Variants in MRPS14 observed in about 807,000 individuals in gnomAD.
The protein encoded by MRPS14 is small ribosomal subunit protein uS14m.
In MRPS14, 14 loss-of-function variants were observed where a neutral mutation model predicts 16.4. The observed-to-expected ratio is 0.85, with a 90% CI of 0.56 to 1.33. The LOEUF is 1.33. Ranked by LOEUF, MRPS14 falls within the 40% of genes most tolerant of loss-of-function variation. The pLI, the probability that MRPS14 is intolerant of heterozygous loss-of-function variation, is 0.00. For synonymous variants in MRPS14, 54 were observed against 61.9 expected (o/e 0.87, Z 0.60); for missense variants, 162 against 176.8 (o/e 0.92, Z 0.48).
Position 175,014,759 on chromosome 1 carries a change from A to C in MRPS14, c.297T>G (p.Gly99=). 4 of 1,614,124 alleles carry C rather than the reference A, an allele frequency of 2.5e-6. No homozygotes were observed. Among genetic ancestry groups the C allele is most frequent in the East Asian group, 2.2e-5 (1 of 44,878 alleles). ...GACTAAGCCTCCAGCGCCGCTTCAC[A>C]CCACGCGGACGGGACGTCATAACAC... ...NRCVMTSRPR[G]VKRRWRLSRI... Residue 99 remains glycine, a synonymous_variant, in exon 3 of 3, where the codon GGT becomes GGG. Coordinates refer to ENST00000476371, the MANE Select transcript of MRPS14 (RefSeq NM_022100.3).
At chr1:175,018,859 C>T (rs999881124) in intron 1 of MRPS14, among the ~76,000 whole-genome samples, 3 of 152,024 alleles carry the variant, frequency 2.0e-5, no homozygotes, top group Non-Finnish European at 4.4e-5. Flanking sequence ...TCTGTTTGAC[C>T]TGTACTTAGG....
chr1:175,015,127 T>G (rs1672857412), intron 2 of MRPS14, among the ~76,000 whole-genome samples: 1 of 151,962 alleles, frequency 6.6e-6, no homozygotes. Flanking sequence ...TTTTGTATTA[T>G]TAGTAGAAAC....
intron 2 of MRPS14, among the ~76,000 whole-genome samples, chr1:175,015,437 G>A (rs1371454320): frequency 6.6e-6 from 1 of 152,164 alleles, no homozygotes; most frequent in Non-Finnish European, 1.5e-5. Context: ...GAAACCTCTG[G>A]AATGATGATC....
At chr1:175,019,167 C>A (rs1164670754) in intron 1 of MRPS14, among the ~76,000 whole-genome samples, 1 of 152,142 alleles carries the variant, frequency 6.6e-6, no homozygotes, top group Non-Finnish European at 1.5e-5. Context: ...ATTTAACCTG[C>A]CACGTATTGC....
At chr1:175,023,335 A>G (rs755222777) in intron 1 of MRPS14, 29 bp downstream of exon 1, 80 of 1,612,378 alleles carry the variant, frequency 5.0e-5, no homozygotes, top group Non-Finnish European at 8.5e-6. Flanking sequence ...GGTGAGGGGT[A>G]GCGGTGTGGA....
Position 175,013,667 on chromosome 1 carries a change from G to GTT in MRPS14, c.*1001_*1002insAA, listed in dbSNP as rs1672825205. ...ATGTCATTCCTGTGCTTAAAACTCT[G>GTT]TAATACCTGGTATGTCAGTCTTAAT... is the stretch of plus-strand genomic sequence containing the variant. On this transcript the variant is annotated 3_prime_UTR_variant, in exon 3 of 3. Coordinates refer to ENST00000476371, the MANE Select transcript of MRPS14 (RefSeq NM_022100.3). The GTT allele has an allele frequency of 6.6e-6, 1 of 152,138 alleles. No homozygotes were observed. The highest frequency in any genetic ancestry group is 2.1e-4 in the South Asian group (1 of 4,828). 9.4% of individuals were successfully genotyped at this position (152,138 alleles called of 1,614,324 possible).
chr1:175,021,107 G>C (rs750888710), intron 1 of MRPS14, among the ~76,000 whole-genome samples: 22 of 152,172 alleles, frequency 1.4e-4, no homozygotes, highest in Non-Finnish European at 2.6e-4. Context: ...CTAGAGGTGG[G>C]ATAGGTAAGT....
chr1:175,021,564 C>T (rs777350295), intron 1 of MRPS14, among the ~76,000 whole-genome samples: 1 of 152,160 alleles, frequency 6.6e-6, no homozygotes, highest in African/African-American at 2.4e-5. Context: ...ACTTTCAATC[C>T]ATTGATCCTA....
intron 2 of MRPS14, among the ~76,000 whole-genome samples, chr1:175,015,487 G>C (rs762512082): frequency 2.0e-5 from 3 of 152,176 alleles, no homozygotes; most frequent in Non-Finnish European, 4.4e-5. Flanking sequence ...ACTAGAGAAG[G>C]AGGAAGGAGA....
chr1:175,014,545 A>C lies in MRPS14; in HGVS notation c.*124T>G. On this transcript the variant is annotated 3_prime_UTR_variant, in exon 3 of 3. Transcript: ENST00000476371. ...TTAAAAGTAGTTTAGAGATAGCATC[A>C]GGTAGGCCAAACAACTGTACTGGGC... 1 of 861,644 alleles carries C rather than the reference A, an allele frequency of 1.2e-6. No individual in the cohort carries two copies. The allele number at this position is 861,644 out of a possible 1,614,324, so 53.4% of individuals were successfully genotyped here. A position where few individuals can be genotyped will look rare whatever the true frequency, so the allele number is the denominator to read the frequency against.
At chr1:175,020,927 C>T (rs1349803916) in intron 1 of MRPS14, among the ~76,000 whole-genome samples, 1 of 152,162 alleles carries the variant, frequency 6.6e-6, no homozygotes, top group Non-Finnish European at 1.5e-5. Context: ...TCTCTCACCC[C>T]TCTTCAGCTC....
rs1251393023 is a variant in MRPS14 at position 175,014,538 on chromosome 1, T to C, written c.*131A>G. ...CTTCATTTTAAAAGTAGTTTAGAGA[T>C]AGCATCAGGTAGGCCAAACAACTGT... On this transcript the variant is annotated 3_prime_UTR_variant, in exon 3 of 3. Coordinates refer to ENST00000476371, the MANE Select transcript of MRPS14 (RefSeq NM_022100.3). 3.8e-6 allele frequency: 3 copies of C among 779,274 alleles called. No homozygotes were observed. The African/African-American group carries it at 5.3e-5, about 14-fold the overall frequency. The allele number at this position is 779,274 out of a possible 1,614,324, so 48.3% of individuals were successfully genotyped here.
chr1:175,019,865 T>A (rs1235256199), intron 1 of MRPS14, among the ~76,000 whole-genome samples: 1 of 152,232 alleles, frequency 6.6e-6, no homozygotes, highest in Admixed American at 6.5e-5. Flanking sequence ...TGATAACTGA[T>A]GTTTATAAAT....
chr1:175,015,937 C>A (rs1321809918), intron 2 of MRPS14, among the ~76,000 whole-genome samples: 1 of 152,182 alleles, frequency 6.6e-6, no homozygotes, highest in African/African-American at 2.4e-5. Flanking sequence ...GTGGCTCACG[C>A]CTATAATCCC....
chr1:175,022,384 A>G (rs989786771), intron 1 of MRPS14: 1 of 151,346 alleles, frequency 6.6e-6, no homozygotes, highest in Non-Finnish European at 1.5e-5. Flanking sequence ...ACTGCTACAG[A>G]TTAACTGTCC....
Position 175,014,913 on chromosome 1 carries a change from T to C in MRPS14, c.205-62A>G, listed in dbSNP as rs138765477. The stretch of plus-strand genomic sequence containing the variant: ...ATTGTTGCACATGTATTTTGCTCCT[T>C]CTCACTTGCAGGTAATTTTCTTTTC... On this transcript the variant is annotated intron_variant, in intron 2 of 2. Transcript: ENST00000476371. 149 of 1,483,048 alleles carry C rather than the reference T, an allele frequency of 1.0e-4. 1 individual carries two copies. In the African/African-American group the frequency reaches 1.9e-3, roughly 19 times the overall value. The allele number at this position is 1,483,048 out of a possible 1,614,324, so 91.9% of individuals were successfully genotyped here.
rs778786617 is a variant in MRPS14 at position 175,023,370 on chromosome 1, G to C, written c.39C>G (p.Phe13Leu). Residue 13 changes from phenylalanine (F) to leucine (L), a missense_variant, in exon 1 of 3, where the codon TTC (phenylalanine) becomes TTG (leucine). Coordinates refer to ENST00000476371, the MANE Select transcript of MRPS14 (RefSeq NM_022100.3). ...AFMLGSLLRT[F>L]KQMVPSSASG... ...ATAAAAGTAGAGGCCTGACCTGCTT[G>C]AACGTCCGCAGCAGCGAGCCCAGCA... The C allele has an allele frequency of 6.2e-7, 1 of 1,614,142 alleles. No homozygotes were observed. The highest frequency in any genetic ancestry group is 2.2e-5 in the East Asian group (1 of 44,880).
intron 2 of MRPS14, among the ~76,000 whole-genome samples, 191 bp downstream of exon 2, chr1:175,018,227 G>C (rs145804211): frequency 4.6e-5 from 7 of 152,140 alleles, no homozygotes; most frequent in Non-Finnish European, 1.0e-4. Context: ...CAGTTGTAAG[G>C]CTAGTTAGGA....
intron 1 of MRPS14, among the ~76,000 whole-genome samples, chr1:175,019,454 T>C (rs950296829): frequency 1.3e-5 from 2 of 151,922 alleles, no homozygotes; most frequent in African/African-American, 4.8e-5. Context: ...GCTGTTTTTT[T>C]TGTTTTGTTT....
Sources: allele counts gnomAD v4.1 joint callset (sites outside exome capture counted in the v4.1 genomes callset), GRCh38; gene constraint gnomAD v4.1.1; transcripts MANE v1.5; gene names NCBI Gene and HGNC (gene_info 2026-07-23, HGNC 2026-07-21).